RAB3GAP1: variants seen among roughly 807,000 people sequenced by gnomAD.
RAB3GAP1 encodes rab3 GTPase-activating protein catalytic subunit.
RAB3GAP1 carries 86 observed loss-of-function variants against 130.7 expected under a neutral mutation model. That is an observed-to-expected ratio of 0.66 (90% CI 0.55 to 0.79). The LOEUF (loss-of-function observed/expected upper bound fraction) is 0.79. Among genes scored for constraint, RAB3GAP1 ranks in the 30% least tolerant of loss-of-function variants. The pLI, the probability that RAB3GAP1 is intolerant of heterozygous loss-of-function variation, is 0.00. For synonymous variants in RAB3GAP1, 367 were observed against 401.7 expected (o/e 0.91, Z 1.03); for missense variants, 1,029 against 1,169.4 (o/e 0.88, Z 1.75).
chr2:135,119,401 C>T (rs1183510554), intron 7 of RAB3GAP1, among the ~76,000 whole-genome samples: 1 of 152,136 alleles, frequency 6.6e-6, no homozygotes, highest in East Asian at 1.9e-4. Context: ...TGAGCCACTG[C>T]GCTTGGCCAT....
intron 3 of RAB3GAP1, among the ~76,000 whole-genome samples, chr2:135,081,361 T>TATATATATATATACACAC (rs1216831944): frequency 1.1e-4 from 8 of 71,262 alleles, no homozygotes; most frequent in Non-Finnish European, 1.8e-4. Context: ...TATATATATA[T>TATATATATATATACACAC]ACACACACGT....
chr2:135,171,459 A>G (rs559693132), downstream of RAB3GAP1, among the ~76,000 whole-genome samples: 4 of 152,224 alleles, frequency 2.6e-5, no homozygotes, highest in South Asian at 8.3e-4. Flanking sequence ...TTACAACTGC[A>G]ATGTGTTTTT....
intron 15 of RAB3GAP1, among the ~76,000 whole-genome samples, chr2:135,134,615 TAGG>T (rs1444407740): frequency 1.3e-5 from 2 of 152,218 alleles, no homozygotes; most frequent in African/African-American, 4.8e-5. Flanking sequence ...CATGCTATGA[TAGG>T]AGAATCATGA....
chr2:135,057,622 A>C (rs982883629), intron 2 of RAB3GAP1, among the ~76,000 whole-genome samples: 2 of 152,188 alleles, frequency 1.3e-5, no homozygotes, highest in Non-Finnish European at 2.9e-5. Flanking sequence ...AGGAATTCAA[A>C]GGGCTGGAAT....
chr2:135,105,476 T>G (rs1216388366), intron 5 of RAB3GAP1, among the ~76,000 whole-genome samples: 1 of 152,116 alleles, frequency 6.6e-6, no homozygotes, highest in African/African-American at 2.4e-5. Context: ...GCGAGTGATC[T>G]GCCAGCCTCG....
rs182571701 is a variant in RAB3GAP1 at position 135,129,302 on chromosome 2, A to G, written c.974-693A>G. Among the ~76,000 whole-genome samples the G allele has an allele frequency of 6.3e-4, 95 of 151,834 alleles. No homozygotes were observed. In the East Asian group the frequency reaches 0.014, roughly 22 times the overall value. On this transcript the variant is annotated intron_variant, in intron 11 of 23. Transcript: ENST00000264158. The stretch of plus-strand genomic sequence containing the variant: ...CCCGTCTCTACTAAAAATACAAAAA[A>G]TTAGCCAGGCGTGGTTGTGGGTGCC...
Position 135,131,655 on chromosome 2 carries a change from C to T in RAB3GAP1, c.1236+934C>T, listed in dbSNP as rs1691548412. 3.3e-5 allele frequency among the ~76,000 whole-genome samples: 5 copies of T among 152,176 alleles called. No homozygotes were observed. In the South Asian group the frequency reaches 1.0e-3, roughly 31 times the overall value. On this transcript the variant is annotated intron_variant, in intron 13 of 23. Transcript: ENST00000264158. ...TATAACAGAGTGGAATGGCCCCAGC[C>T]TGGGGGCCATCCACACCATGGTTTA...
At chr2:135,126,530 A>T in intron 10 of RAB3GAP1, 53 bp from the exon 11 acceptor site, 2 of 1,466,246 alleles carry the variant, frequency 1.4e-6, no homozygotes, top group Non-Finnish European at 1.9e-6. Context: ...TAAGTTCATG[A>T]ATCTTGCAGA....
chr2:135,058,927 C>T (rs1283514199), intron 3 of RAB3GAP1: 1 of 151,412 alleles, frequency 6.6e-6, no homozygotes, highest in African/African-American at 2.4e-5. Flanking sequence ...TATAATTTAC[C>T]CTGTGTTAGG....
intron 19 of RAB3GAP1, among the ~76,000 whole-genome samples, chr2:135,161,906 A>G (rs988738305): frequency 1.3e-5 from 2 of 152,154 alleles, no homozygotes; most frequent in Admixed American, 6.6e-5. Flanking sequence ...TTTGAAATCC[A>G]TGAGCATTTA....
intron 2 of RAB3GAP1, 77 bp from the exon 3 acceptor site, chr2:135,057,934 A>G: frequency 9.5e-7 from 1 of 1,057,886 alleles, no homozygotes; most frequent in Non-Finnish European, 1.4e-6. Context: ...TATAAAAAAT[A>G]CCTTTTTAAA....
intron 7 of RAB3GAP1, among the ~76,000 whole-genome samples, chr2:135,117,561 T>TCTTCTG (rs1558784348): frequency 9.5e-4 from 140 of 148,098 alleles, no homozygotes; most frequent in African/African-American, 2.7e-3. Context: ...TTCTTCTGCT[T>TCTTCTG]CTTCTTCTGC....
rs377254626 is a variant in RAB3GAP1, at chr2:135,112,815, G to GTC, written c.363-317_363-316dup. On this transcript the variant is annotated intron_variant, in intron 5 of 23. Transcript: ENST00000264158. ...GGAAAAAGTATTTACAACTGTCAAA[G>GTC]TCTCTCTCTCTCTCTCTCTCACACA... 9.3e-3 allele frequency among the ~76,000 whole-genome samples: 1,368 copies of GTC among 146,990 alleles called. 24 individuals are homozygous for GTC. The highest frequency in any genetic ancestry group is 0.03 in the African/African-American group (1,214 of 39,914).
intron 11 of RAB3GAP1, among the ~76,000 whole-genome samples, chr2:135,127,563 C>G (rs1474530479): frequency 6.7e-6 from 1 of 148,330 alleles, no homozygotes; most frequent in Non-Finnish European, 1.5e-5. Context: ...AGGATGGTCT[C>G]GATCTCCTGA....
At chr2:135,136,341 G>C (rs923646721) in intron 17 of RAB3GAP1, among the ~76,000 whole-genome samples, 5 of 151,904 alleles carry the variant, frequency 3.3e-5, no homozygotes, top group Non-Finnish European at 7.4e-5. Context: ...GAAAAAAAAA[G>C]TGTTTATGTT....
rs189221556 is a variant in RAB3GAP1 at position 135,065,547 on chromosome 2, T to C, written c.150+7461T>C. ...TTCCAGAAAATGTCATTAGAACTTATATGTTAAAATATAAAAAGTTCATCA... is the reference window on the plus strand; with the variant it reads ...TTCCAGAAAATGTCATTAGAACTTACATGTTAAAATATAAAAAGTTCATCA... On this transcript the variant is annotated intron_variant, in intron 3 of 23. Coordinates refer to ENST00000264158, the MANE Select transcript of RAB3GAP1 (RefSeq NM_012233.3). 4.6e-4 allele frequency among the ~76,000 whole-genome samples: 70 copies of C among 152,306 alleles called. 1 individual carries two copies. Among genetic ancestry groups the C allele is most frequent in the African/African-American group, 1.1e-3 (45 of 41,564 alleles).
chr2:135,127,655 T>C (rs903569081), intron 11 of RAB3GAP1, among the ~76,000 whole-genome samples: 4 of 152,134 alleles, frequency 2.6e-5, no homozygotes, highest in Non-Finnish European at 4.4e-5. Context: ...AGAGCACTGT[T>C]TTTGACGGTG....
At chr2:135,117,793 C>CTTCTTCTTCTTTCTTCTTCT (rs1558784864) in intron 7 of RAB3GAP1, among the ~76,000 whole-genome samples, 1 of 149,628 alleles carries the variant, frequency 6.7e-6, no homozygotes, top group African/African-American at 2.5e-5. Flanking sequence ...TCTGCTTCTT[C>CTTCTTCTTCTTTCTTCTTCT]TTCTTCTTCT....
rs757395742 is a variant in RAB3GAP1 at position 135,164,687 on chromosome 2, T to A, written c.2700T>A (p.Asn900Lys). The A allele has an allele frequency of 1.5e-5, 24 of 1,604,052 alleles. No individual in the cohort carries two copies. In the Admixed American group the frequency reaches 4.0e-4, roughly 27 times the overall value. ...GGATCATTCACAAGCTGTTTGTGAATGCCCAGAGGGTATGTGAGAGTCATT... is the reference window on the plus strand; with the variant it reads ...GGATCATTCACAAGCTGTTTGTGAAAGCCCAGAGGGTATGTGAGAGTCATT... ...AGRIIHKLFVNAQRAAAMTPP... is the reference protein window; with the variant it reads ...AGRIIHKLFVKAQRAAAMTPP... The change falls in exon 23 of 24, where the codon AAT (asparagine) becomes AAA (lysine). Residue 900 changes from asparagine (N) to lysine (K), a missense_variant. Asn to Lys is a moderately conservative substitution (Grantham distance 94). Coordinates refer to ENST00000264158, the MANE Select transcript of RAB3GAP1 (RefSeq NM_012233.3).
Sources: gnomAD v4.1 joint callset for allele counts (sites outside exome capture counted in the v4.1 genomes callset) on GRCh38, gnomAD v4.1.1 for gene constraint, MANE v1.5 for transcripts, NCBI Gene and HGNC (gene_info 2026-07-23, HGNC 2026-07-21) for gene names.